Variants in VCL observed in about 807,000 individuals in gnomAD.
VCL encodes the protein vinculin.
A neutral mutation model predicts 125.7 loss-of-function variants in VCL; 47 were observed. The observed-to-expected ratio is 0.37, with a 90% CI of 0.30 to 0.48. The LOEUF (loss-of-function observed/expected upper bound fraction) is 0.48, where lower values mean the gene tolerates loss of function less well. Ranked by LOEUF, VCL falls within the 20% of genes least tolerant of loss-of-function variation. The pLI, the probability that VCL is intolerant of heterozygous loss-of-function variation, is 0.99. For missense variants in VCL, 1,069 were observed against 1,455.5 expected (o/e 0.73, Z 4.32); for synonymous variants, 458 against 514.6 (o/e 0.89, Z 1.49).
intron 1 of VCL, among the ~76,000 whole-genome samples, chr10:74,009,211 T>G (rs1289974536): frequency 2.5e-5 from 3 of 117,746 alleles, no homozygotes; most frequent in African/African-American, 7.2e-5. Context: ...AGGTGGCTGC[T>G]GCTTTCCCCC....
Position 74,095,561 on chromosome 10 carries a change from G to C in VCL, c.1544-95G>C. The C allele has an allele frequency of 2.0e-6, 3 of 1,525,448 alleles. No individual in the cohort carries two copies. The South Asian group carries it at 3.5e-5, about 18-fold the overall frequency. 94.5% of individuals were successfully genotyped at this position (1,525,448 alleles called of 1,614,324 possible). On this transcript the variant is annotated intron_variant, in intron 11 of 21. Transcript: ENST00000211998. ...CTGTTGTTCCACTGCACTCCAGCTT[G>C]GGTGATAGAGCAAGACGCCACATCG...
intron 2 of VCL, among the ~76,000 whole-genome samples, chr10:74,065,111 A>G (rs1841546049): frequency 6.6e-6 from 1 of 151,756 alleles, no homozygotes; most frequent in South Asian, 2.1e-4. Context: ...GGCTGGGCAC[A>G]GTGGCTCAAA....
chr10:74,005,667 G>A (rs558675600), intron 1 of VCL, among the ~76,000 whole-genome samples: 26 of 152,240 alleles, frequency 1.7e-4, no homozygotes, highest in African/African-American at 6.0e-4. Context: ...TGGGGGATTG[G>A]TTGCAGGAAC....
chr10:74,010,467 T>G (rs540236811), intron 1 of VCL, among the ~76,000 whole-genome samples: 1 of 152,294 alleles, frequency 6.6e-6, no homozygotes, highest in South Asian at 2.1e-4. Context: ...TGTTGAAAAT[T>G]TAGAAAATCT....
chr10:74,036,110 A>G (rs547369339), intron 1 of VCL, among the ~76,000 whole-genome samples: 1 of 152,322 alleles, frequency 6.6e-6, no homozygotes, highest in East Asian at 1.9e-4. Context: ...ATAAAGTTAG[A>G]TTACTCCAAA....
At chr10:74,080,323 T>C (rs1839657205) in intron 6 of VCL, among the ~76,000 whole-genome samples, 1 of 152,136 alleles carries the variant, frequency 6.6e-6, no homozygotes. Flanking sequence ...AAAAAAAATC[T>C]TGTTTCATTT....
At chr10:74,020,858 A>G (rs999483108) in intron 1 of VCL, among the ~76,000 whole-genome samples, 11 of 151,428 alleles carry the variant, frequency 7.3e-5, no homozygotes, top group African/African-American at 2.7e-4. Flanking sequence ...AAAAAAAAAA[A>G]AAAGAGAGCG....
intron 21 of VCL, 143 bp downstream of exon 21, chr10:74,115,042 G>C (rs1840290946): frequency 1.1e-6 from 1 of 879,946 alleles, no homozygotes; most frequent in Non-Finnish European, 1.8e-6. Flanking sequence ...TCTCAGGAGG[G>C]GAAAGTCTGT....
chr10:74,021,387 G>GTT (rs919026945), intron 1 of VCL, among the ~76,000 whole-genome samples: 1 of 146,704 alleles, frequency 6.8e-6, no homozygotes. Flanking sequence ...CAGCACTGCA[G>GTT]TTTTTTTTTT....
chr10:74,064,332 T>G (rs888487676), intron 2 of VCL, among the ~76,000 whole-genome samples: 6 of 152,162 alleles, frequency 3.9e-5, no homozygotes, highest in Non-Finnish European at 8.8e-5. Context: ...CATGCCTTGA[T>G]GTTTCTGGAA....
chr10:74,031,746 C>A (rs1032551244), intron 1 of VCL, among the ~76,000 whole-genome samples: 1 of 152,064 alleles, frequency 6.6e-6, no homozygotes, highest in Non-Finnish European at 1.5e-5. Flanking sequence ...TGGTGAAACC[C>A]TGTCTCTACA....
chr10:74,003,863 G>T (rs567663669), intron 1 of VCL, among the ~76,000 whole-genome samples: 39 of 152,184 alleles, frequency 2.6e-4, no homozygotes, highest in African/African-American at 8.7e-4. Flanking sequence ...GGGACTACAG[G>T]GGTGCACCTC....
At chr10:74,104,229 G>A (rs924011956) in intron 15 of VCL, among the ~76,000 whole-genome samples, 5 of 152,156 alleles carry the variant, frequency 3.3e-5, no homozygotes, top group Non-Finnish European at 5.9e-5. Context: ...GTCCGAGCCC[G>A]AGTTTGGTTT....
At chr10:74,003,262 A>T (rs1022321078) in intron 1 of VCL, among the ~76,000 whole-genome samples, 1 of 151,968 alleles carries the variant, frequency 6.6e-6, no homozygotes, top group African/African-American at 2.4e-5. Flanking sequence ...AAACACAGAG[A>T]GTGAGTCCAA....
chr10:74,085,032 C>T (rs1839748643), intron 8 of VCL, among the ~76,000 whole-genome samples: 1 of 152,186 alleles, frequency 6.6e-6, no homozygotes. Context: ...TCTTCAGCCT[C>T]CTGAGTAGAT....
At chr10:74,036,351 C>T (rs1165505697) in intron 1 of VCL, among the ~76,000 whole-genome samples, 4 of 151,990 alleles carry the variant, frequency 2.6e-5, no homozygotes, top group Admixed American at 2.0e-4. Flanking sequence ...TACAGGCGCC[C>T]ACCATCACGC....
intron 1 of VCL, among the ~76,000 whole-genome samples, chr10:74,036,151 A>G (rs1840972121): frequency 6.6e-6 from 1 of 152,198 alleles, no homozygotes. Flanking sequence ...ACCCAGAGAA[A>G]GCTAATTAGA....
intron 2 of VCL, among the ~76,000 whole-genome samples, chr10:74,061,358 A>G (rs1267156371): frequency 6.6e-6 from 1 of 152,192 alleles, no homozygotes; most frequent in African/African-American, 2.4e-5. Context: ...TTTTGGACCT[A>G]TCATTTTACC....
intron 2 of VCL, among the ~76,000 whole-genome samples, chr10:74,059,487 C>T (rs1054508631): frequency 2.6e-5 from 4 of 152,054 alleles, no homozygotes; most frequent in Admixed American, 2.0e-4. Flanking sequence ...TCATTGCAAC[C>T]TCCACCTCCT....
Sources: allele counts gnomAD v4.1 joint callset (sites outside exome capture counted in the v4.1 genomes callset), GRCh38; gene constraint gnomAD v4.1.1; transcripts MANE v1.5; gene names NCBI Gene and HGNC (gene_info 2026-07-23, HGNC 2026-07-21).